BTG4: variants seen among roughly 807,000 people sequenced by gnomAD.
BTG4 encodes BTG anti-proliferation factor 4, also known as protein BTG4.
In BTG4, 10 loss-of-function variants were observed where a neutral mutation model predicts 19.3. The observed-to-expected ratio is 0.52, with a 90% CI of 0.32 to 0.88. BTG4 has a LOEUF of 0.88. Ranked by LOEUF, BTG4 falls within the 40% of genes least tolerant of loss-of-function variation. The pLI, the probability that BTG4 is intolerant of heterozygous loss-of-function variation, is 0.04. For synonymous variants in BTG4, 91 were observed against 95.7 expected (o/e 0.95, Z 0.29); for missense variants, 238 against 281.9 (o/e 0.84, Z 1.11).
At chr11:111,468,567 C>G (rs1050120471) in intron 5 of BTG4, among the ~76,000 whole-genome samples, 11 of 152,208 alleles carry the variant, frequency 7.2e-5, no homozygotes, top group African/African-American at 2.2e-4. Context: ...CTCAGATTGT[C>G]TGATTCCAAA....
At chr11:111,511,086 T>A (rs1361377222) in intron 1 of BTG4, among the ~76,000 whole-genome samples, 3 of 152,344 alleles carry the variant, frequency 2.0e-5, no homozygotes, top group East Asian at 3.9e-4. Flanking sequence ...TGAATGTGAG[T>A]CATTTATGTA....
chr11:111,432,021 T>G, the BTG4 span, among the ~76,000 whole-genome samples: 1 of 111,706 alleles, frequency 9.0e-6, no homozygotes, highest in Non-Finnish European at 1.9e-5. Flanking sequence ...AAAAAAATAG[T>G]TAGAGCACAC....
chr11:111,455,903 AG>A, the BTG4 span: 1 of 432,080 alleles, frequency 2.3e-6, no homozygotes, highest in Non-Finnish European at 4.8e-6. Flanking sequence ...GGCCTCAGCC[AG>A]GGCCCCCCAG....
At chr11:111,404,032 T>C in the BTG4 span, among the ~76,000 whole-genome samples, 3 of 152,326 alleles carry the variant, frequency 2.0e-5, no homozygotes, top group Admixed American at 2.0e-4. Flanking sequence ...TCCCATGTCT[T>C]GTGGGAGGGG....
intron 5 of BTG4, among the ~76,000 whole-genome samples, chr11:111,482,254 A>G (rs1188263337): frequency 1.3e-5 from 2 of 152,116 alleles, no homozygotes; most frequent in Non-Finnish European, 2.9e-5. Flanking sequence ...ATTCTTAGAT[A>G]TAAATCTAAA....
the BTG4 span, among the ~76,000 whole-genome samples, chr11:111,443,289 C>T: frequency 1.6e-4 from 25 of 152,262 alleles, no homozygotes; most frequent in South Asian, 6.2e-4. Flanking sequence ...GTAGGCAAAG[C>T]AGACATGATG....
At chr11:111,484,157 C>T (rs1329959457) in intron 5 of BTG4, among the ~76,000 whole-genome samples, 1 of 151,932 alleles carries the variant, frequency 6.6e-6, no homozygotes, top group African/African-American at 2.4e-5. Flanking sequence ...GAAATACTTT[C>T]ATAGAAAAAC....
chr11:111,456,020 A>T, the BTG4 span: 1 of 278,692 alleles, frequency 3.6e-6, no homozygotes, highest in Admixed American at 4.1e-5. The surrounding 1 kb of genome is among the most constrained non-coding windows in gnomAD (Gnocchi z 4.2). Flanking sequence ...CAGAGCGGAC[A>T]CCCCAAGGTC....
chr11:111,448,383 G>A, the BTG4 span: 217 of 152,698 alleles, frequency 1.4e-3, no homozygotes, highest in African/African-American at 4.8e-3. Flanking sequence ...CTGTGGGATC[G>A]TGGGTGACCC....
At chr11:111,460,830 T>C in the BTG4 span, among the ~76,000 whole-genome samples, 1 of 152,130 alleles carries the variant, frequency 6.6e-6, no homozygotes, top group East Asian at 1.9e-4. Flanking sequence ...AATTTTAAAG[T>C]ATGTCAATGA....
In BTG4 at chr11:111,504,845, T is replaced by G. The variant is rs146254015; in HGVS notation, c.-26-6043A>C. Reference sequence around the variant, plus strand: ...AGTAACATTGAAGCTGAGAACCAAATTAAGAATCCAATCCCACTTAGGATA... The same window carrying G: ...AGTAACATTGAAGCTGAGAACCAAAGTAAGAATCCAATCCCACTTAGGATA... On this transcript the variant is annotated intron_variant, in intron 1 of 4. Coordinates refer to ENST00000692032, the MANE Select transcript of BTG4 (RefSeq NM_001367975.1). Among the ~76,000 whole-genome samples, 385 of 151,946 alleles carry G rather than the reference T, an allele frequency of 2.5e-3. 3 individuals carry two copies. Among genetic ancestry groups the G allele is most frequent in the African/African-American group, 9.0e-3 (372 of 41,490 alleles).
the BTG4 span, among the ~76,000 whole-genome samples, chr11:111,428,424 A>G: frequency 5.9e-5 from 9 of 152,158 alleles, no homozygotes; most frequent in African/African-American, 1.9e-4. Flanking sequence ...AATCCTCAGC[A>G]AGCCCTGCTG....
intron 5 of BTG4, among the ~76,000 whole-genome samples, chr11:111,480,533 A>G (rs538213759): frequency 6.6e-6 from 1 of 152,166 alleles, no homozygotes; most frequent in Non-Finnish European, 1.5e-5. Flanking sequence ...CCCACAGGAT[A>G]TGCATCAAAA....
the BTG4 span, chr11:111,453,558 C>T: frequency 9.8e-4 from 449 of 455,976 alleles, no homozygotes; most frequent in Middle Eastern, 2.9e-3. Flanking sequence ...AAGACTCTGA[C>T]GCCCCCAGGG....
the BTG4 span, chr11:111,455,600 G>A: frequency 1.4e-5 from 4 of 284,668 alleles, no homozygotes; most frequent in South Asian, 3.1e-5. Context: ...AATCCTCTCC[G>A]GCTGGGCAGA....
chr11:111,402,528 T>G, the BTG4 span, among the ~76,000 whole-genome samples: 1 of 152,298 alleles, frequency 6.6e-6, no homozygotes, highest in East Asian at 1.9e-4. Context: ...GTTGCCTATT[T>G]TGGCTCACTG....
At chr11:111,438,154 C>T in the BTG4 span, among the ~76,000 whole-genome samples, 1 of 152,194 alleles carries the variant, frequency 6.6e-6, no homozygotes, top group Non-Finnish European at 1.5e-5. Context: ...CATCAACAGA[C>T]GGGACACAGA....
chr11:111,469,721 C>T (rs1327081103), intron 5 of BTG4: 1 of 152,648 alleles, frequency 6.6e-6, no homozygotes, highest in Non-Finnish European at 1.5e-5. Context: ...TATTTTAAAG[C>T]TTTAACAGCA....
chr11:111,484,945 C>T lies in BTG4; in HGVS notation c.662+10218G>A, dbSNP rs112727167. Among the ~76,000 whole-genome samples the T allele has an allele frequency of 1.9e-3, 285 of 151,842 alleles. 3 individuals are homozygous for T. Among genetic ancestry groups the T allele is most frequent in the African/African-American group, 5.7e-3 (236 of 41,432 alleles). ...AAAAGATATTCTATGCAAATGGAAA[C>T]CAAAAAAGCAGGAGAAGCTACAGTT... On this transcript the variant is annotated intron_variant, in intron 5 of 5. Transcript: ENST00000356018.
Sources: gnomAD v4.1 joint callset for allele counts (sites outside exome capture counted in the v4.1 genomes callset) on GRCh38, gnomAD v4.1.1 for gene constraint, Gnocchi (gnomAD v3.1) non-coding constraint, MANE v1.5 for transcripts, NCBI Gene and HGNC (gene_info 2026-07-23, HGNC 2026-07-21) for gene names.